Variants in DCDC1 observed in about 807,000 individuals in gnomAD.
DCDC1 encodes doublecortin domain-containing protein 1.
Under a neutral mutation model 178.3 loss-of-function variants are expected in DCDC1, and 200 were observed. The observed-to-expected ratio is 1.12, with a 90% CI of 1.00 to 1.26. The LOEUF is 1.26. DCDC1 is among the 50% of genes most tolerant of loss of function. The pLI is 0.00. For missense variants in DCDC1, 1,983 were observed against 1,749.2 expected (o/e 1.13, Z -2.38); for synonymous variants, 690 against 604.8 (o/e 1.14, Z -2.07).
At chr11:30,999,520 A>C (rs1021379853) in intron 20 of DCDC1, among the ~76,000 whole-genome samples, 13 of 152,310 alleles carry the variant, frequency 8.5e-5, no homozygotes, top group African/African-American at 3.1e-4. Flanking sequence ...TTTTCAATAA[A>C]TTTAAGATTC....
intron 15 of DCDC1, among the ~76,000 whole-genome samples, chr11:31,094,802 T>TA (rs559599916): frequency 8.7e-4 from 132 of 152,060 alleles, no homozygotes; most frequent in South Asian, 4.8e-3. Flanking sequence ...TTCTTTTTTT[T>TA]TATATATATA....
At chr11:31,048,230 C>T (rs1371239401) in intron 20 of DCDC1, among the ~76,000 whole-genome samples, 3 of 152,104 alleles carry the variant, frequency 2.0e-5, no homozygotes, top group African/African-American at 7.2e-5. Flanking sequence ...GAGCATTTAT[C>T]AAATGAATGG....
chr11:31,332,505 T>C (rs892075598), intron 2 of DCDC1, among the ~76,000 whole-genome samples: 2 of 152,214 alleles, frequency 1.3e-5, no homozygotes, highest in Non-Finnish European at 2.9e-5. Flanking sequence ...TTCTTTCTCT[T>C]GTGGGCATTT....
Position 30,881,247 on chromosome 11 carries a change from G to C in DCDC1, c.5144C>G (p.Pro1715Arg), listed in dbSNP as rs1483763328. The C allele has an allele frequency of 7.4e-6, 12 of 1,613,520 alleles. No individual in the cohort carries two copies. The highest frequency in any genetic ancestry group is 1.1e-5 in the South Asian group (1 of 91,080). Reference sequence around the variant, plus strand: ...CCAGGACTGAATTGGCTCTCCACTGGGGGTGTACAGTGCTCTAGCTGGGTG... The same window carrying C: ...CCAGGACTGAATTGGCTCTCCACTGCGGGTGTACAGTGCTCTAGCTGGGTG... ...MTHPARALYT[P>R]SGEPIQSWDD... The change falls in exon 37 of 39, where the codon CCC (proline) becomes CGC (arginine). Residue 1715 changes from proline to arginine, a missense_variant. Coordinates refer to ENST00000684477, the MANE Select transcript of DCDC1 (RefSeq NM_001387274.1).
intron 2 of DCDC1, 82 bp downstream of exon 2, chr11:31,335,365 G>C (rs2133162525): frequency 6.6e-6 from 1 of 152,370 alleles, no homozygotes; most frequent in East Asian, 1.9e-4. Context: ...TCCGGGGTGA[G>C]GCAATGCCCC....
chr11:31,338,605 G>T (rs1328507085), intron 1 of DCDC1, among the ~76,000 whole-genome samples: 1 of 152,116 alleles, frequency 6.6e-6, no homozygotes, highest in Non-Finnish European at 1.5e-5. Context: ...GTTGCCACTT[G>T]ACCACATGAC....
At chr11:30,973,000 G>A (rs1277532491) in intron 20 of DCDC1, among the ~76,000 whole-genome samples, 2 of 152,002 alleles carry the variant, frequency 1.3e-5, no homozygotes, top group Non-Finnish European at 2.9e-5. Flanking sequence ...GGCCAGGCGT[G>A]GTGGCTTATG....
chr11:31,112,189 G>C (rs968007497), intron 11 of DCDC1, among the ~76,000 whole-genome samples: 6 of 152,102 alleles, frequency 3.9e-5, no homozygotes, highest in African/African-American at 1.2e-4. Flanking sequence ...TCTCCAAACT[G>C]AAATCTTAAG....
At chr11:31,313,978 T>C (rs980875664) in intron 3 of DCDC1, among the ~76,000 whole-genome samples, 21 of 152,280 alleles carry the variant, frequency 1.4e-4, no homozygotes, top group African/African-American at 5.1e-4. Flanking sequence ...CTACTGCAAA[T>C]TTTTCATTAC....
intron 20 of DCDC1, among the ~76,000 whole-genome samples, chr11:30,988,938 A>G (rs1331435897): frequency 6.6e-6 from 1 of 152,192 alleles, no homozygotes; most frequent in African/African-American, 2.4e-5. Context: ...CTCCAGATGA[A>G]AGTGGCTGGC....
At chr11:31,253,356 A>ATTTTTTTT (rs1357132704) in intron 8 of DCDC1, among the ~76,000 whole-genome samples, 2 of 134,696 alleles carry the variant, frequency 1.5e-5, no homozygotes, top group African/African-American at 2.7e-5. Flanking sequence ...AGTTTTGGAG[A>ATTTTTTTT]TTTTTTTTTT....
chr11:31,357,729 C>T (rs1951462703), intron 1 of DCDC1, among the ~76,000 whole-genome samples: 1 of 152,050 alleles, frequency 6.6e-6, no homozygotes, highest in Admixed American at 6.6e-5. Context: ...TGATAAGCAA[C>T]TTCAGCAAAG....
At chr11:31,044,457 G>C (rs1490057354) in intron 20 of DCDC1, among the ~76,000 whole-genome samples, 1 of 138,642 alleles carries the variant, frequency 7.2e-6, no homozygotes, top group Non-Finnish European at 1.5e-5. Context: ...CAGCCTGGGC[G>C]ACAGAGCGAT....
At chr11:30,865,995 A>T (rs1940946173) in intron 38 of DCDC1, among the ~76,000 whole-genome samples, 1 of 152,108 alleles carries the variant, frequency 6.6e-6, no homozygotes, top group African/African-American at 2.4e-5. Context: ...GCACCTCAGG[A>T]TGTGATCTTA....
intron 7 of DCDC1, among the ~76,000 whole-genome samples, chr11:31,289,033 T>A (rs904966367): frequency 1.1e-4 from 16 of 152,086 alleles, no homozygotes; most frequent in Non-Finnish European, 1.6e-4. Context: ...TCTTTAAATA[T>A]TTTCTACAAA....
intron 10 of DCDC1, among the ~76,000 whole-genome samples, chr11:31,135,013 T>A (rs541429760): frequency 3.7e-4 from 57 of 152,184 alleles, no homozygotes; most frequent in Admixed American, 1.5e-3. Context: ...AAAAAATTTT[T>A]AAAAAAATTT....
chr11:31,026,033 T>A (rs1953209524), intron 20 of DCDC1, among the ~76,000 whole-genome samples: 1 of 151,828 alleles, frequency 6.6e-6, no homozygotes, highest in Non-Finnish European at 1.5e-5. Context: ...TTTCTTTTCA[T>A]AACTATTGAC....
intron 20 of DCDC1, among the ~76,000 whole-genome samples, chr11:31,006,937 A>G (rs958003991): frequency 1.3e-5 from 2 of 152,188 alleles, no homozygotes; most frequent in African/African-American, 4.8e-5. Flanking sequence ...GACCAATGCT[A>G]TTCTCCAGTA....
At chr11:30,890,403 A>C (rs769631764) in intron 36 of DCDC1, among the ~76,000 whole-genome samples, 28 of 152,284 alleles carry the variant, frequency 1.8e-4, no homozygotes, top group Non-Finnish European at 3.1e-4. Context: ...TTTCTGCTTA[A>C]GGTGTTGAAT....
Sources: allele counts gnomAD v4.1 joint callset (sites outside exome capture counted in the v4.1 genomes callset), GRCh38; gene constraint gnomAD v4.1.1; transcripts MANE v1.5; gene names NCBI Gene and HGNC (gene_info 2026-07-23, HGNC 2026-07-21).